The following NPAT variants were observed in gnomAD, a reference collection of about 807,000 sequenced individuals.
The protein encoded by NPAT is protein NPAT.
NPAT carries 52 observed loss-of-function variants against 130.7 expected under a neutral mutation model. The ratio of observed to expected loss-of-function variants is 0.40; its 90% CI spans 0.32 to 0.50. NPAT has a LOEUF of 0.50. Ranked by LOEUF, NPAT falls within the 20% of genes least tolerant of loss-of-function variation. The pLI is 0.68. For missense variants in NPAT, 1,687 were observed against 1,662.6 expected (o/e 1.01, Z -0.26); for synonymous variants, 580 against 584.8 (o/e 0.99, Z 0.12).
chr11:108,208,851 A>G (rs1271242561), intron 1 of NPAT, among the ~76,000 whole-genome samples: 2 of 152,228 alleles, frequency 1.3e-5, no homozygotes, highest in Non-Finnish European at 2.9e-5. Context: ...AGCATAATAC[A>G]CATTTTTCTC....
rs1397667827 is a variant in NPAT, at chr11:108,176,284, T to C, written c.1094A>G (p.Asn365Ser). The C allele has an allele frequency of 6.3e-7, 1 of 1,586,304 alleles. No individual in the cohort carries two copies. Among genetic ancestry groups the C allele is most frequent in the Non-Finnish European group, 8.7e-7 (1 of 1,154,938 alleles). ...NPSIVLADET[N>S]LAVKGSFETE... Reference sequence around the variant, plus strand: ...TTCAAAAGAACCTTTAACTGCTAGATTAGTTTCATCTGCTAAGACTATACT... The same window carrying C: ...TTCAAAAGAACCTTTAACTGCTAGACTAGTTTCATCTGCTAAGACTATACT... Residue 365 changes from asparagine (N) to serine (S), a missense_variant, in exon 12 of 18, where the codon AAT (asparagine) becomes AGT (serine). By Grantham distance (46) the Asn-to-Ser change is conservative. Transcript: ENST00000278612.
intron 1 of NPAT, among the ~76,000 whole-genome samples, chr11:108,218,571 T>C (rs747060977): frequency 6.6e-6 from 1 of 152,142 alleles, no homozygotes; most frequent in Non-Finnish European, 1.5e-5. Context: ...AAAGTTACAA[T>C]TTACTTGGAG....
At chr11:108,216,435 A>T (rs997136263) in intron 1 of NPAT, among the ~76,000 whole-genome samples, 23 of 152,080 alleles carry the variant, frequency 1.5e-4, no homozygotes, top group Admixed American at 1.5e-3. Context: ...TAAATCACAG[A>T]TACACATGAT....
intron 1 of NPAT, among the ~76,000 whole-genome samples, chr11:108,221,895 C>T (rs779545190): frequency 6.6e-6 from 1 of 152,234 alleles, no homozygotes; most frequent in East Asian, 1.9e-4. Context: ...GGCAATTAAC[C>T]CTCTGAAATT....
chr11:108,201,015 T>C (rs544391019), intron 1 of NPAT, among the ~76,000 whole-genome samples: 7 of 152,224 alleles, frequency 4.6e-5, no homozygotes, highest in Non-Finnish European at 7.3e-5. Context: ...TTTGGGCAGT[T>C]CCTTTATCCT....
rs1404663144 is a variant in NPAT, at chr11:108,172,320, CACT to C, written c.2661_2663del (p.Val889del). 13 of 1,614,044 alleles carry C rather than the reference CACT, an allele frequency of 8.1e-6. No homozygotes were observed. Among genetic ancestry groups the C allele is most frequent in the Middle Eastern group, 3.3e-4 (2 of 6,084 alleles). On this transcript the variant is annotated inframe_deletion, in exon 13 of 18. Transcript: ENST00000278612. ...TAGGTGCAGAATTTCCAGGCAACAC[CACT>C]ACATTAGACTGACTTACAGATGTTC...
rs186389563 is a variant in NPAT, at chr11:108,212,353, C to T, written c.37+10147G>A. ...CAGCCTGCTCAACATGGTGAAACCC[C>T]GTCTCTACTAAAAATACAAAAATTA... On this transcript the variant is annotated intron_variant, in intron 1 of 17. Transcript: ENST00000278612. Among the ~76,000 whole-genome samples, 858 of 151,714 alleles carry T rather than the reference C, an allele frequency of 5.7e-3. 3 individuals carry two copies. Among genetic ancestry groups the T allele is most frequent in the Non-Finnish European group, 9.4e-3 (639 of 67,912 alleles).
intron 15 of NPAT, among the ~76,000 whole-genome samples, chr11:108,164,769 T>TG (rs1406455734): frequency 6.6e-6 from 1 of 152,144 alleles, no homozygotes; most frequent in African/African-American, 2.4e-5. Flanking sequence ...CCCAGCACTT[T>TG]GGGAGGCCGA....
intron 4 of NPAT, among the ~76,000 whole-genome samples, chr11:108,191,802 A>G (rs973964142): frequency 6.6e-6 from 1 of 151,826 alleles, no homozygotes; most frequent in Non-Finnish European, 1.5e-5. Context: ...ATAAAGAGAC[A>G]GTTGCCTAAG....
intron 1 of NPAT, among the ~76,000 whole-genome samples, chr11:108,205,223 A>T (rs2078314409): frequency 6.6e-6 from 1 of 152,234 alleles, no homozygotes; most frequent in African/African-American, 2.4e-5. Flanking sequence ...TGTTGAAGAA[A>T]AAAGATAAAA....
In NPAT at chr11:108,172,783, G is replaced by T; in HGVS notation, c.2201C>A (p.Ala734Glu). 1.2e-6 allele frequency: 2 copies of T among 1,613,586 alleles called. No homozygotes were observed. The highest frequency in any genetic ancestry group is 1.7e-6 in the Non-Finnish European group (2 of 1,179,892). The change falls in exon 13 of 18, where the codon GCA becomes GAA. Residue 734 changes from alanine (A) to glutamate (E), a missense_variant. Transcript: ENST00000278612. ...PSSNNSAEIDASNIVSLKVII... is the reference protein window; with the variant it reads ...PSSNNSAEIDESNIVSLKVII... ...AACTTTGAGAGAGACGATATTTGAT[G>T]CATCTATCTCTGCTGAGTTGTTGCT...
In NPAT at chr11:108,161,363, C is replaced by G; in HGVS notation, c.3723G>C (p.Leu1241Phe). Residue 1241 changes from leucine to phenylalanine, a missense_variant, in exon 17 of 18, where the codon TTG (leucine) becomes TTC (phenylalanine). Physicochemically the swap from Leu to Phe is conservative, Grantham distance 22. This residue lies in a region of NPAT where 1,379 missense variants were observed against 1,346.6 expected (regional missense o/e 1.02). Transcript: ENST00000278612. Reference protein sequence around the residue: ...KQEQTKSASSLITTEMLQDIQ... With the variant: ...KQEQTKSASSFITTEMLQDIQ... ...TATCCTGTAACATTTCTGTGGTAAT[C>G]AAAGAACTGGCGGATTTAGTTTGTT... The G allele has an allele frequency of 6.2e-7, 1 of 1,614,142 alleles. No homozygotes were observed. The highest frequency in any genetic ancestry group is 8.5e-7 in the Non-Finnish European group (1 of 1,180,018).
chr11:108,200,323 T>C (rs549000767), intron 1 of NPAT, among the ~76,000 whole-genome samples: 1 of 152,302 alleles, frequency 6.6e-6, no homozygotes, highest in Admixed American at 6.5e-5. Context: ...GCCTTTAATC[T>C]GATATTTTTC....
intron 10 of NPAT, among the ~76,000 whole-genome samples, chr11:108,177,449 T>A (rs2078019756): frequency 6.6e-6 from 1 of 152,122 alleles, no homozygotes. Flanking sequence ...TGTGGGCCAC[T>A]GTACTCAGCG....
chr11:108,165,529 A>C (rs1340472435), intron 15 of NPAT, among the ~76,000 whole-genome samples: 1 of 148,070 alleles, frequency 6.8e-6, no homozygotes, highest in Non-Finnish European at 1.5e-5. Context: ...TAGTGGCATG[A>C]GGACAGCCCA....
intron 13 of NPAT, chr11:108,171,431 A>G (rs2077950307): frequency 6.6e-6 from 1 of 151,446 alleles, no homozygotes; most frequent in Admixed American, 6.6e-5. Context: ...CCATAAACAA[A>G]GGATTTTAAA....
intron 1 of NPAT, among the ~76,000 whole-genome samples, chr11:108,202,106 C>T (rs1051079420): frequency 6.6e-6 from 1 of 152,154 alleles, no homozygotes; most frequent in Non-Finnish European, 1.5e-5. Context: ...AAAGGGAAAG[C>T]AGTTAACATT....
chr11:108,177,170 G>A lies in NPAT; in HGVS notation c.907-80C>T, dbSNP rs998691212. On this transcript the variant is annotated intron_variant, in intron 10 of 17. Coordinates refer to ENST00000278612, the MANE Select transcript of NPAT (RefSeq NM_002519.3). ...ACATATTATATATATATAAGACAGG[G>A]TCTCACTCTTTTGCTCAGGCTGGAG... The A allele has an allele frequency of 2.8e-4, 176 of 631,846 alleles. No homozygotes were observed. The Middle Eastern group carries it at 3.8e-3, about 14-fold the overall frequency. The allele number at this position is 631,846 out of a possible 1,614,324, so 39.1% of individuals were successfully genotyped here. A position where few individuals can be genotyped will look rare whatever the true frequency, so the allele number is the denominator to read the frequency against.
intron 13 of NPAT, chr11:108,170,297 C>T (rs1344039314): frequency 2.3e-6 from 1 of 434,156 alleles, no homozygotes; most frequent in Non-Finnish European, 4.3e-6. Context: ...TAATGTTATT[C>T]AGTCAGTGAA....
Sources: gnomAD v4.1 joint callset for allele counts (sites outside exome capture counted in the v4.1 genomes callset) on GRCh38, gnomAD v4.1.1 for gene constraint, gnomAD v4.1.1 regional missense constraint, MANE v1.5 for transcripts, NCBI Gene and HGNC (gene_info 2026-07-23, HGNC 2026-07-21) for gene names.